Variants in KCND3 observed in about 807,000 individuals in gnomAD.
KCND3 encodes A-type voltage-gated potassium channel KCND3.
A neutral mutation model predicts 51.1 loss-of-function variants in KCND3; 9 were observed. The observed-to-expected ratio is 0.18, with a 90% CI of 0.11 to 0.31. The LOEUF (loss-of-function observed/expected upper bound fraction) is 0.31, where lower values mean the gene tolerates loss of function less well. KCND3 is among the 10% of genes least tolerant of loss of function. The pLI, the probability that KCND3 is intolerant of heterozygous loss-of-function variation, is 1.00. For missense variants in KCND3, 526 were observed against 903.8 expected, an observed-to-expected ratio of 0.58 and a Z score of 5.36; for synonymous variants, 349 against 368.0, an observed-to-expected ratio of 0.95 and a Z score of 0.59.
At chr1:111,824,258 G>T (rs572859778) in intron 2 of KCND3, among the ~76,000 whole-genome samples, 1 of 152,174 alleles carries the variant, frequency 6.6e-6, no homozygotes, top group South Asian at 2.1e-4. Context: ...GGAAAGGGCC[G>T]GTAGTTGAAG....
intron 1 of KCND3, among the ~76,000 whole-genome samples, chr1:111,986,280 G>C (rs1333785564): frequency 1.3e-5 from 2 of 152,188 alleles, no homozygotes; most frequent in Non-Finnish European, 1.5e-5. Context: ...TATGATAAAG[G>C]CTTTTCTGCC....
At chr1:111,955,441 C>A (rs1673282047) in intron 2 of KCND3, among the ~76,000 whole-genome samples, 1 of 152,174 alleles carries the variant, frequency 6.6e-6, no homozygotes, top group Admixed American at 6.5e-5. Flanking sequence ...ACAACAAAAA[C>A]CATCTGCTTC....
intron 2 of KCND3, among the ~76,000 whole-genome samples, chr1:111,804,989 T>G (rs756124350): frequency 6.6e-6 from 1 of 152,150 alleles, no homozygotes; most frequent in Non-Finnish European, 1.5e-5. Flanking sequence ...AGGGCCCGTG[T>G]GAGTGGCTGA....
At chr1:111,886,913 A>AAC (rs1342065195) in intron 2 of KCND3, among the ~76,000 whole-genome samples, 1 of 152,198 alleles carries the variant, frequency 6.6e-6, no homozygotes, top group East Asian at 1.9e-4. Flanking sequence ...CAGAGGGGTA[A>AAC]ACACTGCCTG....
chr1:111,802,548 G>A (rs1557945830), intron 2 of KCND3, among the ~76,000 whole-genome samples: 1 of 152,158 alleles, frequency 6.6e-6, no homozygotes, highest in Non-Finnish European at 1.5e-5. Flanking sequence ...TGAGAATAAT[G>A]TCTCCCTACA....
chr1:111,778,297 G>A (rs1320320190), intron 6 of KCND3, 139 bp downstream of exon 6: 8 of 828,204 alleles, frequency 9.7e-6, no homozygotes, highest in African/African-American at 6.7e-5. Context: ...GGTGCTGGGT[G>A]TGACAGCAGA....
At chr1:111,986,039 A>C (rs760784955) in intron 1 of KCND3, among the ~76,000 whole-genome samples, 12 of 152,214 alleles carry the variant, frequency 7.9e-5, no homozygotes, top group Non-Finnish European at 1.5e-4. Context: ...TTCTAGAAGA[A>C]ATTTACCCTT....
chr1:111,856,649 C>T (rs762152484), intron 2 of KCND3, among the ~76,000 whole-genome samples: 2 of 152,226 alleles, frequency 1.3e-5, no homozygotes, highest in Non-Finnish European at 2.9e-5. Context: ...CCCCACCTGC[C>T]AAAGGTGACT....
At chr1:111,890,024 C>T (rs1364695482) in intron 2 of KCND3, among the ~76,000 whole-genome samples, 2 of 152,078 alleles carry the variant, frequency 1.3e-5, no homozygotes, top group Admixed American at 1.3e-4. Flanking sequence ...GAGCAAGAGT[C>T]GCATTCAATG....
Position 111,927,473 on chromosome 1 carries a change from G to A in KCND3, c.1106+54148C>T, listed in dbSNP as rs1671759249. ...AGAGAACAGGATGGAGAATGTGATTGACAGCCCATGTCCTCCTGTGTAGCT... is the reference window on the plus strand; with the variant it reads ...AGAGAACAGGATGGAGAATGTGATTAACAGCCCATGTCCTCCTGTGTAGCT... On this transcript the variant is annotated intron_variant, in intron 2 of 7. Coordinates refer to ENST00000302127, the MANE Select transcript of KCND3 (RefSeq NM_001378969.1). Among the ~76,000 whole-genome samples the A allele has an allele frequency of 2.0e-5, 3 of 152,226 alleles. No homozygotes were observed. In the South Asian group the frequency reaches 6.2e-4, roughly 31 times the overall value.
chr1:111,952,003 C>G (rs1673083947), intron 2 of KCND3, among the ~76,000 whole-genome samples: 1 of 152,218 alleles, frequency 6.6e-6, no homozygotes, highest in Non-Finnish European at 1.5e-5. Flanking sequence ...GAGGCATAAA[C>G]ATCCCCACTG....
At chr1:111,890,786 T>C (rs1222360497) in intron 2 of KCND3, among the ~76,000 whole-genome samples, 2 of 152,080 alleles carry the variant, frequency 1.3e-5, no homozygotes, top group Non-Finnish European at 2.9e-5. Context: ...TGTGGTGTCC[T>C]AGAAGCCTGG....
At chr1:111,885,844 T>A (rs1049360625) in intron 2 of KCND3, among the ~76,000 whole-genome samples, 8 of 152,168 alleles carry the variant, frequency 5.3e-5, no homozygotes, top group African/African-American at 1.9e-4. Context: ...AGCTAATTTT[T>A]ATATTTTTAG....
intron 2 of KCND3, among the ~76,000 whole-genome samples, chr1:111,939,309 C>G (rs929610979): frequency 6.6e-6 from 1 of 152,118 alleles, no homozygotes; most frequent in Non-Finnish European, 1.5e-5. Flanking sequence ...ATACACATGT[C>G]ATGGTGGTTT....
intron 2 of KCND3, among the ~76,000 whole-genome samples, chr1:111,945,062 A>G (rs1672713313): frequency 6.6e-6 from 1 of 152,208 alleles, no homozygotes; most frequent in Non-Finnish European, 1.5e-5. Context: ...GTCAAGTGGT[A>G]GAGGGGAGGT....
At chr1:111,980,678 C>G (rs762938857) in intron 2 of KCND3, among the ~76,000 whole-genome samples, 1 of 152,168 alleles carries the variant, frequency 6.6e-6, no homozygotes, top group Non-Finnish European at 1.5e-5. Context: ...GCAGAAACCC[C>G]TAAGAAATCT....
At chr1:111,935,688 TCTAATTTTGGCACCAGAACAGAC>T (rs1179316989) in intron 2 of KCND3, among the ~76,000 whole-genome samples, 1 of 152,188 alleles carries the variant, frequency 6.6e-6, no homozygotes, top group Non-Finnish European at 1.5e-5. Flanking sequence ...CATTAGCTCC[TCTAATTTTGGCACCAGAACAGAC>T]CTGTCTCTCC....
chr1:111,846,418 T>TGCTG (rs1667551736), intron 2 of KCND3, among the ~76,000 whole-genome samples: 9 of 150,714 alleles, frequency 6.0e-5, no homozygotes, highest in African/African-American at 2.2e-4. Context: ...CATGACACTC[T>TGCTG]CTGCTGCTGC....
In KCND3 at chr1:111,943,320, C is replaced by T. The variant is rs535976621; in HGVS notation, c.1106+38301G>A. ...TCCACTCAGCTCCTTCTCCATGGAG[C>T]GCACCATGCCCAGCCTCACCCAGCC... On this transcript the variant is annotated intron_variant, in intron 2 of 7. Coordinates refer to ENST00000302127, the MANE Select transcript of KCND3 (RefSeq NM_001378969.1). Among the ~76,000 whole-genome samples the T allele has an allele frequency of 5.6e-4, 85 of 152,302 alleles. 1 individual carries two copies. Among genetic ancestry groups the T allele is most frequent in the African/African-American group, 1.4e-3 (58 of 41,568 alleles).
Sources: allele counts gnomAD v4.1 joint callset (sites outside exome capture counted in the v4.1 genomes callset), GRCh38; gene constraint gnomAD v4.1.1; transcripts MANE v1.5; gene names NCBI Gene and HGNC (gene_info 2026-07-23, HGNC 2026-07-21).